The following ECE1 variants were observed in gnomAD, a reference collection of about 807,000 sequenced individuals.
ECE1 encodes the protein endothelin-converting enzyme 1.
ECE1 carries 35 observed loss-of-function variants against 98.6 expected under a neutral mutation model. The observed-to-expected ratio is 0.35, with a 90% CI of 0.27 to 0.47. The LOEUF (loss-of-function observed/expected upper bound fraction) is 0.47, where lower values mean the gene tolerates loss of function less well. ECE1 is among the 20% of genes least tolerant of loss of function. The probability of loss-of-function intolerance (pLI) is 1.00; values close to 1 mark genes in which losing one functional copy is unlikely to be tolerated. For missense variants in ECE1, 814 were observed against 1,025.3 expected (o/e 0.79, Z 2.81); for synonymous variants, 394 against 407.1 (o/e 0.97, Z 0.39).
chr1:21,270,836 T>C, intron 4 of ECE1, among the ~76,000 whole-genome samples: 1 of 152,160 alleles, frequency 6.6e-6, no homozygotes, highest in Non-Finnish European at 1.5e-5. Context: ...TCATAGTAAG[T>C]GGCAGAGTCC....
chr1:21,251,241 G>A (rs2098212459), intron 8 of ECE1, among the ~76,000 whole-genome samples: 1 of 152,180 alleles, frequency 6.6e-6, no homozygotes, highest in Admixed American at 6.5e-5. Flanking sequence ...GCCGGGCACG[G>A]TGGCTCATGC....
At chr1:21,250,055 A>C (rs2098210284) in intron 8 of ECE1, among the ~76,000 whole-genome samples, 1 of 151,722 alleles carries the variant, frequency 6.6e-6, no homozygotes, top group African/African-American at 2.4e-5. Context: ...AGGGGATTAC[A>C]GGCATAAGCC....
chr1:21,309,741 G>A (rs576602134), intron 1 of ECE1, among the ~76,000 whole-genome samples: 2 of 150,962 alleles, frequency 1.3e-5, no homozygotes, highest in South Asian at 4.2e-4. Flanking sequence ...GGCTGTTAAT[G>A]ATAAAAACCA....
At chr1:21,344,674 TC>T (rs1362302360) in intron 1 of ECE1, among the ~76,000 whole-genome samples, 2 of 152,130 alleles carry the variant, frequency 1.3e-5, no homozygotes, top group African/African-American at 4.8e-5. Context: ...TCCCTGGTAC[TC>T]CTGCCTATCG....
chr1:21,345,238 G>A lies in ECE1; in HGVS notation c.3+138C>T, dbSNP rs1639475550. ...CTCCCCGACTCCACGCCTTCCGAGA[G>A]CCGGGCGGGGGCTGCTGCTGCAGCC... On this transcript the variant is annotated intron_variant, in intron 1 of 18. Transcript: ENST00000415912. The surrounding 1 kb of genome is among the most constrained non-coding windows in gnomAD (Gnocchi z 5.1). 4.6e-5 allele frequency: 52 copies of A among 1,126,808 alleles called. No homozygotes were observed. Among genetic ancestry groups the A allele is most frequent in the Non-Finnish European group, 5.6e-5 (51 of 912,318 alleles). The allele number at this position is 1,126,808 out of a possible 1,614,324, so 69.8% of individuals were successfully genotyped here.
At position 21,275,171 on chromosome 1, in the gene ECE1, C is replaced by T. The variant is rs962001264; in HGVS notation, c.281-2260G>A. On this transcript the variant is annotated intron_variant, in intron 3 of 18. Transcript: ENST00000374893. ...TGAGAGTGAGCCTAACGCGGGAAGA[C>T]GCATCAGAATCTGTGTGTATGTGTC... Among the ~76,000 whole-genome samples the T allele has an allele frequency of 6.6e-5, 10 of 152,106 alleles. 1 individual carries two copies. The highest frequency in any genetic ancestry group is 2.2e-4 in the African/African-American group (9 of 41,398).
At chr1:21,276,598 G>A (rs972754884) in intron 3 of ECE1, among the ~76,000 whole-genome samples, 1 of 152,114 alleles carries the variant, frequency 6.6e-6, no homozygotes, top group East Asian at 1.9e-4. Flanking sequence ...TTTCTGGAAA[G>A]GAAGCATAGC....
rs146660605 is a variant in ECE1 at position 21,231,878 on chromosome 1, C to A, written c.1670+1680G>T. Among the ~76,000 whole-genome samples the A allele has an allele frequency of 1.2e-4, 18 of 152,302 alleles. 1 individual carries two copies. In the East Asian group the frequency reaches 3.5e-3, roughly 29 times the overall value. On this transcript the variant is annotated intron_variant, in intron 14 of 18. Transcript: ENST00000374893. ...ATCCTCCCACCTTGGCCTCTCAAAG[C>A]GTTCGAATTACAGGCGTGGGCCGCT...
chr1:21,258,751 G>T lies in ECE1; in HGVS notation c.704C>A (p.Pro235His). The change falls in exon 6 of 19, where the codon CCC becomes CAC. Residue 235 changes from proline to histidine, a missense_variant. Physicochemically the swap from Pro to His is moderately conservative, Grantham distance 77 (BLOSUM62 -2). Around this residue, in one of 3 missense-constraint regions of ECE1, gnomAD observed 105 missense variants for 179.1 expected, o/e 0.59. Coordinates refer to ENST00000374893, the MANE Select transcript of ECE1 (RefSeq NM_001397.3). This position sits in a 1 kb window ranked among gnomAD's most constrained non-coding sequence, Gnocchi z 4.2. The stretch of plus-strand genomic sequence containing the variant: ...GGCACTGACATAGACAGAGAAGAAG[G>T]GTGAGGTGCGGTAGTGGGCGGTGAC... Reference protein sequence around the residue: ...QVVTAHYRTSPFFSVYVSADS... With the variant: ...QVVTAHYRTSHFFSVYVSADS... 6.2e-7 allele frequency: 1 copy of T among 1,614,232 alleles called. No homozygotes were observed. The highest frequency in any genetic ancestry group is 8.5e-7 in the Non-Finnish European group (1 of 1,180,040).
intron 2 of ECE1, 50 bp from the exon 3 acceptor site, chr1:21,279,382 C>G: frequency 6.2e-7 from 1 of 1,613,516 alleles, no homozygotes; most frequent in Non-Finnish European, 8.5e-7. Flanking sequence ...CCCCGGGCCC[C>G]GCTTCCCTTG....
intron 1 of ECE1, among the ~76,000 whole-genome samples, chr1:21,335,011 A>T (rs1569784182): frequency 6.6e-6 from 1 of 151,774 alleles, no homozygotes; most frequent in African/African-American, 2.4e-5. Flanking sequence ...CGAAATGCTG[A>T]CCCCTGCCCC....
rs747864026 is a variant in ECE1, at chr1:21,228,021, A to G, written c.1691T>C (p.Met564Thr). 1.9e-6 allele frequency: 3 copies of G among 1,563,228 alleles called. No individual in the cohort carries two copies. Among genetic ancestry groups the G allele is most frequent in the Non-Finnish European group, 2.6e-6 (3 of 1,153,170 alleles). Residue 564 changes from methionine (M) to threonine (T), a missense_variant, in exon 15 of 19, where the codon ATG (methionine) becomes ACG (threonine). Transcript: ENST00000374893. Reference sequence around the variant, plus strand: ...GGTGGGCGAGTAGTAGGCGTTCACCATGGGCGGGGTCATGCTCCACCTGCA... The same window carrying G: ...GGTGGGCGAGTAGTAGGCGTTCACCGTGGGCGGGGTCATGCTCCACCTGCA... The part of the protein sequence containing the change: ...NRDQWSMTPP[M>T]VNAYYSPTKN...
chr1:21,221,885 G>A (rs972994833), intron 17 of ECE1, 43 bp from the exon 18 acceptor site: 8 of 1,580,520 alleles, frequency 5.1e-6, no homozygotes, highest in Non-Finnish European at 7.0e-6. Context: ...CCCATGGCAG[G>A]TGGTGAAGGA....
intron 3 of ECE1, among the ~76,000 whole-genome samples, chr1:21,276,889 G>A (rs2103333014): frequency 6.6e-6 from 1 of 152,116 alleles, no homozygotes; most frequent in African/African-American, 2.4e-5. Context: ...GCTAATTTTT[G>A]TATTTTTAGT....
At chr1:21,234,051 G>A (rs1005650152) in intron 13 of ECE1, among the ~76,000 whole-genome samples, 4 of 151,714 alleles carry the variant, frequency 2.6e-5, no homozygotes, top group Non-Finnish European at 5.9e-5. Flanking sequence ...GCAATGGCAC[G>A]ATCTTGGCTC....
intron 1 of ECE1, among the ~76,000 whole-genome samples, chr1:21,330,481 G>A (rs982830286): frequency 4.0e-5 from 6 of 151,788 alleles, no homozygotes; most frequent in African/African-American, 9.7e-5. Context: ...CCCACCCATC[G>A]CAGCCTCCCA....
chr1:21,242,549 T>C (rs546178970), intron 10 of ECE1, among the ~76,000 whole-genome samples: 201 of 152,202 alleles, frequency 1.3e-3, no homozygotes, highest in African/African-American at 4.5e-3. Flanking sequence ...TCTGTCACAG[T>C]TGGGGAGTGG....
intron 2 of ECE1, among the ~76,000 whole-genome samples, chr1:21,285,122 TTGTCTGCTACCCCA>T (rs2098259119): frequency 6.6e-6 from 1 of 152,194 alleles, no homozygotes; most frequent in Non-Finnish European, 1.5e-5. Context: ...TGCCTGAGCC[TTGTCTGCTACCCCA>T]CCCAGATGCC....
At chr1:21,342,524 G>A (rs780383762) in intron 1 of ECE1, among the ~76,000 whole-genome samples, 2 of 152,048 alleles carry the variant, frequency 1.3e-5, no homozygotes, top group African/African-American at 4.8e-5. Flanking sequence ...GGTTAGAGAC[G>A]TGGGTGGGGA....
Sources: gnomAD v4.1 joint callset for allele counts (sites outside exome capture counted in the v4.1 genomes callset) on GRCh38, gnomAD v4.1.1 for gene constraint, gnomAD v4.1.1 regional missense constraint, Gnocchi (gnomAD v3.1) non-coding constraint, MANE v1.5 for transcripts, NCBI Gene and HGNC (gene_info 2026-07-23, HGNC 2026-07-21) for gene names.